The following IMPG1 variants were observed in gnomAD, a reference collection of about 807,000 sequenced individuals.
IMPG1 encodes interphotoreceptor matrix proteoglycan 1, also known as interphotoreceptor matrix proteoglycan of 150 kDa.
In IMPG1, 85 loss-of-function variants were observed where a neutral mutation model predicts 92.0. The ratio of observed to expected loss-of-function variants is 0.92; its 90% CI spans 0.78 to 1.11. IMPG1 has a LOEUF of 1.11. Ranked by LOEUF, IMPG1 falls within the 50% of genes least tolerant of loss-of-function variation. The probability of loss-of-function intolerance (pLI) is 0.00; values close to 1 mark genes in which losing one functional copy is unlikely to be tolerated. For missense variants in IMPG1, 1,022 were observed against 956.0 expected (o/e 1.07, Z -0.91); for synonymous variants, 367 against 334.1 (o/e 1.10, Z -1.08).
At chr6:75,981,763 A>C (rs1782631631) in intron 12 of IMPG1, among the ~76,000 whole-genome samples, 1 of 152,244 alleles carries the variant, frequency 6.6e-6, no homozygotes, top group African/African-American at 2.4e-5. Context: ...TATCAGCTAG[A>C]GGGAATTGTT....
chr6:76,011,507 C>T (rs1007200082), intron 7 of IMPG1, among the ~76,000 whole-genome samples: 7 of 151,972 alleles, frequency 4.6e-5, no homozygotes, highest in Non-Finnish European at 1.0e-4. Context: ...TCTGCTCTTA[C>T]GGTTACTTTA....
rs749288422 is a variant in IMPG1 at position 76,005,384 on chromosome 6, T to C, written c.1038A>G (p.Pro346=). ...GGTCTGTAGCTGTGAGATAGATTTC[T>C]GGTTGCTTGTCCTCCTCCATGGTTC... ...YHGTMEEDKQ[P]EIYLTATDLK... is the part of the protein sequence containing the mutation. The change falls in exon 10 of 17, where the codon CCA becomes CCG. Residue 346 remains proline, a synonymous_variant. Transcript: ENST00000369950. 6.2e-7 allele frequency: 1 copy of C among 1,614,110 alleles called. No individual in the cohort carries two copies. Among genetic ancestry groups the C allele is most frequent in the Non-Finnish European group, 8.5e-7 (1 of 1,179,964 alleles).
intron 1 of IMPG1, among the ~76,000 whole-genome samples, chr6:76,067,635 C>T (rs1023351775): frequency 5.5e-5 from 8 of 144,830 alleles, no homozygotes; most frequent in African/African-American, 2.0e-4. Flanking sequence ...ACCAATCTTA[C>T]TGAAACTATT....
At chr6:76,062,459 T>C (rs991932481) in intron 1 of IMPG1, among the ~76,000 whole-genome samples, 1 of 152,226 alleles carries the variant, frequency 6.6e-6, no homozygotes, top group African/African-American at 2.4e-5. Context: ...AATTTGTGTG[T>C]GGTAGAACTG....
intron 1 of IMPG1, among the ~76,000 whole-genome samples, chr6:76,071,497 AT>A (rs1035672987): frequency 6.6e-6 from 1 of 151,728 alleles, no homozygotes; most frequent in Non-Finnish European, 1.5e-5. Context: ...TTTTCCAGAA[AT>A]TTTTTTCTCC....
intron 7 of IMPG1, among the ~76,000 whole-genome samples, chr6:76,015,107 G>T (rs980140006): frequency 2.6e-5 from 4 of 152,212 alleles, no homozygotes; most frequent in Admixed American, 2.0e-4. Context: ...AAAGGCAGCT[G>T]TGTTGAGTTT....
chr6:76,011,332 T>C lies in IMPG1; in HGVS notation c.808-108A>G. On this transcript the variant is annotated intron_variant, in intron 7 of 16. Coordinates refer to ENST00000369950, the MANE Select transcript of IMPG1 (RefSeq NM_001563.4). ...GATGAGTTAGGGGAACAGCTGAAAATGGAAAATGATTATTTTTTCTTTTAA... is the reference window on the plus strand; with the variant it reads ...GATGAGTTAGGGGAACAGCTGAAAACGGAAAATGATTATTTTTTCTTTTAA... The C allele has an allele frequency of 6.0e-6, 3 of 499,924 alleles. No individual in the cohort carries two copies. In the South Asian group the frequency reaches 1.1e-4, roughly 18 times the overall value. The allele number at this position is 499,924 out of a possible 1,614,324, so 31.0% of individuals were successfully genotyped here. A position where few individuals can be genotyped will look rare whatever the true frequency, so the allele number is the denominator to read the frequency against.
At chr6:75,999,318 T>A (rs775631221) in intron 12 of IMPG1, among the ~76,000 whole-genome samples, 16 of 151,700 alleles carry the variant, frequency 1.1e-4, no homozygotes, top group Non-Finnish European at 2.4e-4. Context: ...TATCTCAGAA[T>A]TAACTACTAA....
chr6:76,012,430 C>G (rs755850926), intron 7 of IMPG1, among the ~76,000 whole-genome samples: 1 of 152,182 alleles, frequency 6.6e-6, no homozygotes, highest in African/African-American at 2.4e-5. Flanking sequence ...AAGGAGCCTT[C>G]GAGTTTCCAT....
intron 15 of IMPG1, among the ~76,000 whole-genome samples, chr6:75,930,345 C>A (rs1424335496): frequency 6.6e-6 from 1 of 152,162 alleles, no homozygotes; most frequent in Admixed American, 6.5e-5. Context: ...AAGTCTGTTT[C>A]TATTGTGCTT....
chr6:76,039,877 T>G (rs1383199792), intron 2 of IMPG1, among the ~76,000 whole-genome samples: 1 of 152,230 alleles, frequency 6.6e-6, no homozygotes, highest in Admixed American at 6.5e-5. Context: ...CTCAGAACAT[T>G]TCACTGCGTT....
At chr6:75,935,289 A>G (rs1015212941) in intron 14 of IMPG1, among the ~76,000 whole-genome samples, 1 of 152,236 alleles carries the variant, frequency 6.6e-6, no homozygotes, top group Non-Finnish European at 1.5e-5. Context: ...CCGTGATTAC[A>G]GCGGCAGATC....
At chr6:75,988,965 T>C (rs941748084) in intron 12 of IMPG1, among the ~76,000 whole-genome samples, 1 of 152,230 alleles carries the variant, frequency 6.6e-6, no homozygotes, top group Admixed American at 6.5e-5. Flanking sequence ...ATGATTGAAA[T>C]AAATGTTTCC....
intron 12 of IMPG1, among the ~76,000 whole-genome samples, chr6:75,974,330 C>CTTT (rs1782473966): frequency 1.9e-4 from 19 of 98,274 alleles, no homozygotes; most frequent in African/African-American, 3.8e-4. Flanking sequence ...TCTTTCTTTC[C>CTTT]CTTTCTTTCT....
At chr6:76,050,829 G>C (rs566611270) in intron 1 of IMPG1, among the ~76,000 whole-genome samples, 1 of 152,250 alleles carries the variant, frequency 6.6e-6, no homozygotes, top group Admixed American at 6.5e-5. Context: ...GCATACAGAG[G>C]CTTACTGTAC....
Position 76,005,444 on chromosome 6 carries a change from A to G in IMPG1, c.978T>C (p.Asp326=). ...CTTCCTCACTTTCAATTTTGTTGGA[A>G]TCAAAAGACAGGAGGTCACTTGCAG... ...KSPASDLLSF[D]SNKIESEEVY... is the part of the protein sequence containing the mutation. The change falls in exon 10 of 17, where the codon GAT becomes GAC. Residue 326 remains aspartate (D), a synonymous_variant. Transcript: ENST00000369950. 2 of 1,614,046 alleles carry G rather than the reference A, an allele frequency of 1.2e-6. No homozygotes were observed. The highest frequency in any genetic ancestry group is 1.7e-6 in the Non-Finnish European group (2 of 1,179,986).
intron 14 of IMPG1, among the ~76,000 whole-genome samples, chr6:75,933,916 T>A (rs1296369858): frequency 6.6e-6 from 1 of 152,218 alleles, no homozygotes; most frequent in African/African-American, 2.4e-5. Flanking sequence ...TTTTCATCGG[T>A]GAGAAAACGG....
intron 1 of IMPG1, 29 bp downstream of exon 1, chr6:76,072,393 A>T (rs773464734): frequency 6.4e-6 from 8 of 1,252,404 alleles, no homozygotes; most frequent in Non-Finnish European, 5.8e-6. Context: ...TAGATAAGCA[A>T]TTTAAAAGTA....
rs531771773 is a variant in IMPG1 at position 76,023,392 on chromosome 6, C to T, written c.563-1173G>A. On this transcript the variant is annotated intron_variant, in intron 5 of 16. Transcript: ENST00000369950. ...TTTGTTACAATAAAAAAGTACTTAG[C>T]TGGTACCCTAGAAGAACAAATTTTT... 2.4e-4 allele frequency among the ~76,000 whole-genome samples: 37 copies of T among 152,290 alleles called. 1 individual carries two copies. The highest frequency in any genetic ancestry group is 6.8e-3 in the Middle Eastern group (2 of 294).
Sources: gnomAD v4.1 joint callset for allele counts (sites outside exome capture counted in the v4.1 genomes callset) on GRCh38, gnomAD v4.1.1 for gene constraint, MANE v1.5 for transcripts, NCBI Gene and HGNC (gene_info 2026-07-23, HGNC 2026-07-21) for gene names.